NRXN3: variants seen among roughly 807,000 people sequenced by gnomAD.
NRXN3 encodes neurexin 3.
In NRXN3, 32 loss-of-function variants were observed where a neutral mutation model predicts 137.6. The ratio of observed to expected loss-of-function variants is 0.23; its 90% CI spans 0.18 to 0.31. The LOEUF is 0.31. NRXN3 is among the 10% of genes least tolerant of loss of function. NRXN3 has a pLI of 1.00. For synonymous variants in NRXN3, 798 were observed against 784.5 expected (o/e 1.02, Z -0.29); for missense variants, 1,574 against 2,062.5 (o/e 0.76, Z 4.59).
chr14:79,000,659 G>A (rs977113642), intron 15 of NRXN3, among the ~76,000 whole-genome samples: 2 of 151,556 alleles, frequency 1.3e-5, no homozygotes, highest in Admixed American at 1.3e-4. Flanking sequence ...TGGCACTAAA[G>A]TGTGTCATCT....
intron 15 of NRXN3, among the ~76,000 whole-genome samples, chr14:79,015,632 G>T (rs184984287): frequency 2.0e-5 from 3 of 152,074 alleles, no homozygotes; most frequent in Non-Finnish European, 4.4e-5. Context: ...TCTAAGGCCC[G>T]CCTCCCAAGT....
At chr14:78,307,836 G>T (rs116306867) in intron 4 of NRXN3, among the ~76,000 whole-genome samples, 1 of 152,160 alleles carries the variant, frequency 6.6e-6, no homozygotes, top group Non-Finnish European at 1.5e-5. Flanking sequence ...AGAAACTGCA[G>T]ATCCCAGATG....
intron 17 of NRXN3, among the ~76,000 whole-genome samples, chr14:79,670,467 C>T (rs1025782817): frequency 2.6e-5 from 4 of 152,066 alleles, no homozygotes; most frequent in African/African-American, 9.7e-5. Flanking sequence ...TTTCTCTATG[C>T]TTTGATCTCC....
Position 78,967,205 on chromosome 14 carries a change from T to C in NRXN3, c.2778-3T>C. On this transcript the variant is annotated splice_polypyrimidine_tract_variant and splice_region_variant and intron_variant, in intron 12 of 20. Coordinates refer to ENST00000335750, the MANE Select transcript of NRXN3 (RefSeq NM_001330195.2). Reference sequence around the variant, plus strand: ...TATTGTTTTTTTTTTTTTTTCTTCCTAGGTATATACACTACGTTTTTGACC... The same window carrying C: ...TATTGTTTTTTTTTTTTTTTCTTCCCAGGTATATACACTACGTTTTTGACC... 1 of 1,575,740 alleles carries C rather than the reference T, an allele frequency of 6.3e-7. No homozygotes were observed. The highest frequency in any genetic ancestry group is 1.2e-5 in the South Asian group (1 of 85,774).
chr14:79,164,387 T>A (rs574762348), intron 15 of NRXN3, among the ~76,000 whole-genome samples: 123 of 152,132 alleles, frequency 8.1e-4, no homozygotes, highest in African/African-American at 2.8e-3. Context: ...ATATCCTTCC[T>A]TGTTTTCTGC....
chr14:79,321,886 T>TAC lies in NRXN3; in HGVS notation c.3263-145323_3263-145322dup, dbSNP rs530121658. ...CTATATATAAATATAACTATATATA[T>TAC]ACACACACACACATATATATATGTA... On this transcript the variant is annotated intron_variant, in intron 15 of 20. Transcript: ENST00000335750. Among the ~76,000 whole-genome samples, 1,405 of 149,330 alleles carry TAC rather than the reference T, an allele frequency of 9.4e-3. 9 individuals carry two copies. The highest frequency in any genetic ancestry group is 0.024 in the African/African-American group (996 of 40,966).
intron 8 of NRXN3, 21 bp from the exon 9 acceptor site, chr14:78,803,596 ATCT>A (rs2098846146): frequency 6.2e-7 from 1 of 1,610,856 alleles, no homozygotes; most frequent in African/African-American, 1.3e-5. Context: ...CATCCTAACG[ATCT>A]TCTCCATTCT....
At chr14:78,902,049 T>A (rs1478247668) in intron 10 of NRXN3, among the ~76,000 whole-genome samples, 1 of 152,034 alleles carries the variant, frequency 6.6e-6, no homozygotes, top group African/African-American at 2.4e-5. Flanking sequence ...TCAGTACCGA[T>A]CTACCTTGTA....
At chr14:78,869,868 T>G (rs960844428) in intron 10 of NRXN3, among the ~76,000 whole-genome samples, 1 of 152,222 alleles carries the variant, frequency 6.6e-6, no homozygotes, top group Non-Finnish European at 1.5e-5. Flanking sequence ...TGGAATTGTT[T>G]GCAGTGTAGG....
chr14:78,714,860 C>G lies in NRXN3; in HGVS notation c.1765C>G (p.Arg589Gly), dbSNP rs533412003. The change falls in exon 8 of 21, where the codon CGT (arginine) becomes GGT (glycine). Residue 589 changes from arginine (R) to glycine (G), a missense_variant. Arg to Gly is a moderately radical substitution (Grantham distance 125). Transcript: ENST00000335750. ...GTACCTGGGAGGGCTGCCGGAGAAC[C>G]GTGCTGGCCTTATTCTCCCCACCGA... ...DMYLGGLPEN[R>G]AGLILPTELW... 5.0e-6 allele frequency: 8 copies of G among 1,614,042 alleles called. No individual in the cohort carries two copies. The highest frequency in any genetic ancestry group is 5.9e-6 in the Non-Finnish European group (7 of 1,180,014).
At chr14:79,792,574 T>TA (rs549398960) in intron 19 of NRXN3, among the ~76,000 whole-genome samples, 59 of 152,292 alleles carry the variant, frequency 3.9e-4, no homozygotes, top group African/African-American at 1.4e-3. Context: ...TAGATTTTTT[T>TA]AAAAAAAGTC....
intron 10 of NRXN3, among the ~76,000 whole-genome samples, chr14:78,829,119 T>C (rs1464708197): frequency 6.6e-6 from 1 of 152,126 alleles, no homozygotes; most frequent in East Asian, 1.9e-4. Flanking sequence ...ACCAGTACGG[T>C]TGAGAAGGGA....
chr14:78,737,624 G>A (rs371174771), intron 8 of NRXN3, among the ~76,000 whole-genome samples: 2 of 152,132 alleles, frequency 1.3e-5, no homozygotes, highest in Non-Finnish European at 2.9e-5. Flanking sequence ...GGCAAAAAAG[G>A]GGGGGAGGGG....
intron 15 of NRXN3, among the ~76,000 whole-genome samples, chr14:79,444,730 A>G (rs1321981757): frequency 6.6e-6 from 1 of 152,192 alleles, no homozygotes; most frequent in African/African-American, 2.4e-5. Flanking sequence ...TGGGTGGCTG[A>G]GTCAGGAGGG....
intron 16 of NRXN3, among the ~76,000 whole-genome samples, chr14:79,629,018 C>A (rs191446890): frequency 5.6e-4 from 86 of 152,236 alleles, no homozygotes; most frequent in African/African-American, 2.0e-3. Flanking sequence ...ACCTTATTTT[C>A]AATGGGCAGT....
chr14:79,182,611 C>T (rs940652495), intron 15 of NRXN3, among the ~76,000 whole-genome samples: 8 of 152,148 alleles, frequency 5.3e-5, no homozygotes, highest in Non-Finnish European at 7.3e-5. Context: ...TGAAGCTTTG[C>T]TTGCTCACCT....
intron 16 of NRXN3, among the ~76,000 whole-genome samples, chr14:79,562,539 A>G (rs1177976914): frequency 6.6e-6 from 1 of 152,224 alleles, no homozygotes; most frequent in Non-Finnish European, 1.5e-5. Flanking sequence ...AAATGCTGGC[A>G]TCAGATAGAA....
chr14:79,409,641 A>ATATC (rs1555430223), intron 15 of NRXN3, among the ~76,000 whole-genome samples: 1 of 145,390 alleles, frequency 6.9e-6, no homozygotes, highest in East Asian at 2.0e-4. Flanking sequence ...ATATATATAT[A>ATATC]TATCCTCAAA....
intron 4 of NRXN3, among the ~76,000 whole-genome samples, chr14:78,480,091 A>G (rs1430249260): frequency 6.6e-6 from 1 of 152,218 alleles, no homozygotes; most frequent in African/African-American, 2.4e-5. Context: ...CAGTGAGCAG[A>G]GATCACGCCA....
Sources: gnomAD v4.1 joint callset for allele counts (sites outside exome capture counted in the v4.1 genomes callset) on GRCh38, gnomAD v4.1.1 for gene constraint, MANE v1.5 for transcripts, NCBI Gene and HGNC (gene_info 2026-07-23, HGNC 2026-07-21) for gene names.